Variants in SPAG6 observed in about 807,000 individuals in gnomAD.
The protein encoded by SPAG6 is sperm associated antigen 6.
A neutral mutation model predicts 58.5 loss-of-function variants in SPAG6; 49 were observed. The observed-to-expected ratio is 0.84, with a 90% CI of 0.67 to 1.06. The LOEUF (loss-of-function observed/expected upper bound fraction) is 1.06. Among genes scored for constraint, SPAG6 ranks in the 50% least tolerant of loss-of-function variants. The pLI, the probability that SPAG6 is intolerant of heterozygous loss-of-function variation, is 0.00. For missense variants in SPAG6, 560 were observed against 611.3 expected (o/e 0.92, Z 0.89); for synonymous variants, 233 against 225.6 (o/e 1.03, Z -0.29).
chr10:22,391,749 C>T lies in SPAG6; in HGVS notation c.1026C>T (p.Val342=). ...TGCAGGGTGTACCCCAGTTGTCAGT[C>T]TGCTTGTCAGAAGAACCGGAAGATC... ...IISKGVPQLS[V]CLSEEPEDHI... The change falls in exon 8 of 11, where the codon GTC becomes GTT. Residue 342 remains valine (V), a synonymous_variant. Coordinates refer to ENST00000376624, the MANE Select transcript of SPAG6 (RefSeq NM_012443.4). 5 of 1,613,428 alleles carry T rather than the reference C, an allele frequency of 3.1e-6. No homozygotes were observed. The highest frequency in any genetic ancestry group is 4.2e-6 in the Non-Finnish European group (5 of 1,179,656).
chr10:22,356,975 CT>C, intron 2 of SPAG6, among the ~76,000 whole-genome samples: 1 of 152,312 alleles, frequency 6.6e-6, no homozygotes, highest in South Asian at 2.1e-4. Context: ...GGACTTTTGT[CT>C]CTATTTATCT....
intron 2 of SPAG6, chr10:22,346,191 C>A: frequency 1.0e-6 from 1 of 959,942 alleles, no homozygotes; most frequent in Non-Finnish European, 1.4e-6. Flanking sequence ...TTCCTCACAG[C>A]AAAGCAATTC....
intron 6 of SPAG6, 26 bp from the exon 7 acceptor site, chr10:22,389,134 A>T: frequency 6.2e-7 from 1 of 1,607,026 alleles, no homozygotes; most frequent in South Asian, 1.1e-5. Context: ...GGTCCTGGTG[A>T]TCTAACTCTT....
At chr10:22,346,122 G>A (rs562488928) in intron 2 of SPAG6, 654 of 1,417,390 alleles carry the variant, frequency 4.6e-4, no homozygotes, top group Non-Finnish European at 5.8e-4. Flanking sequence ...CTACCCTAAT[G>A]AGACCCATTT....
intron 10 of SPAG6, chr10:22,412,432 T>C (rs1375816665): frequency 6.8e-7 from 1 of 1,476,092 alleles, no homozygotes; most frequent in Admixed American, 2.0e-5. Flanking sequence ...TCTATCCACA[T>C]ATTTTTACCC....
chr10:22,375,585 CTTTTT>C (rs928312845), intron 4 of SPAG6, among the ~76,000 whole-genome samples: 1 of 126,192 alleles, frequency 7.9e-6, no homozygotes, highest in Non-Finnish European at 1.7e-5. Flanking sequence ...AAAGGATTTT[CTTTTT>C]TTTTTTTTTT....
rs1837089626 is a variant in SPAG6 at position 22,363,113 on chromosome 10, G to A, written c.122-1740G>A. On this transcript the variant is annotated intron_variant, in intron 2 of 10. Transcript: ENST00000376624. ...GTGATGTTCACGCAACATTTTGGAT[G>A]TACTTAACTCAACTGAACTGTAAAC... 2.6e-5 allele frequency among the ~76,000 whole-genome samples: 4 copies of A among 152,132 alleles called. No individual in the cohort carries two copies. In the South Asian group the frequency reaches 8.3e-4, roughly 31 times the overall value.
At chr10:22,346,430 G>GTTCTTCCTCTTCTTCTTCTTC (rs1463625993) in intron 2 of SPAG6, among the ~76,000 whole-genome samples, 160 of 96,004 alleles carry the variant, frequency 1.7e-3, no homozygotes, top group Non-Finnish European at 2.7e-3. Context: ...AGAGAAAATG[G>GTTCTTCCTCTTCTTCTTCTTC]TTCTTCTTCT....
At chr10:22,387,100 T>G in intron 5 of SPAG6, 141 bp downstream of exon 5, 1 of 665,862 alleles carries the variant, frequency 1.5e-6, no homozygotes, top group Non-Finnish European at 2.6e-6. Context: ...ATGTATTTGG[T>G]CTCTTAATAT....
chr10:22,367,728 A>G (rs988482091), intron 3 of SPAG6, among the ~76,000 whole-genome samples: 5 of 152,170 alleles, frequency 3.3e-5, no homozygotes, highest in African/African-American at 1.2e-4. Flanking sequence ...ATGAAGAGAA[A>G]CATGTTAGTC....
At chr10:22,356,791 T>C (rs917952207) in intron 2 of SPAG6, among the ~76,000 whole-genome samples, 16 of 152,204 alleles carry the variant, frequency 1.1e-4, no homozygotes, top group African/African-American at 3.4e-4. Context: ...TCGGTAACTA[T>C]GATAGTTTCC....
intron 9 of SPAG6, among the ~76,000 whole-genome samples, chr10:22,410,765 G>A (rs1834711964): frequency 6.6e-6 from 1 of 152,188 alleles, no homozygotes; most frequent in Non-Finnish European, 1.5e-5. Context: ...CTTGAATGGT[G>A]TAAGCTTTAT....
intron 9 of SPAG6, among the ~76,000 whole-genome samples, chr10:22,410,632 A>T (rs904456470): frequency 4.6e-5 from 7 of 152,146 alleles, no homozygotes; most frequent in African/African-American, 1.7e-4. Context: ...CTGTGATGTT[A>T]CTGAAACAAT....
At chr10:22,412,353 T>C (rs1197293844) in intron 10 of SPAG6, 13 of 637,712 alleles carry the variant, frequency 2.0e-5, no homozygotes, top group East Asian at 1.7e-4. Context: ...TTAATATCAA[T>C]GGTGTTTAAT....
chr10:22,346,497 T>TTCTTTC (rs1554776508), intron 2 of SPAG6, among the ~76,000 whole-genome samples: 4 of 74,378 alleles, frequency 5.4e-5, no homozygotes, highest in African/African-American at 1.6e-4. Context: ...CTTCTTCTTC[T>TTCTTTC]TTCTTCTTCT....
At chr10:22,368,108 C>T (rs932225847) in intron 3 of SPAG6, among the ~76,000 whole-genome samples, 1 of 152,152 alleles carries the variant, frequency 6.6e-6, no homozygotes, top group African/African-American at 2.4e-5. Flanking sequence ...TGACAGTGAG[C>T]TTAGTTGCAC....
intron 4 of SPAG6, among the ~76,000 whole-genome samples, chr10:22,371,232 T>G (rs990910456): frequency 3.3e-5 from 5 of 152,158 alleles, no homozygotes; most frequent in Non-Finnish European, 5.9e-5. Flanking sequence ...TCAATGAAAA[T>G]GGAGGATTTA....
At chr10:22,359,796 GA>G (rs759462528) in intron 2 of SPAG6, among the ~76,000 whole-genome samples, 5 of 152,168 alleles carry the variant, frequency 3.3e-5, no homozygotes, top group Non-Finnish European at 7.4e-5. Flanking sequence ...CCAGTTTGCA[GA>G]AACTTTTTGT....
intron 9 of SPAG6, 77 bp downstream of exon 9, chr10:22,401,354 T>C: frequency 1.3e-6 from 1 of 753,878 alleles, no homozygotes. Flanking sequence ...GTTGGGTCAG[T>C]AGCTTTTTCT....
Sources: allele counts gnomAD v4.1 joint callset (sites outside exome capture counted in the v4.1 genomes callset), GRCh38; gene constraint gnomAD v4.1.1; transcripts MANE v1.5; gene names NCBI Gene and HGNC (gene_info 2026-07-23, HGNC 2026-07-21).